The following RBM33 variants were observed in gnomAD, a reference collection of about 807,000 sequenced individuals.
RBM33 encodes the protein RNA binding motif protein 33.
In RBM33, 28 loss-of-function variants were observed where a neutral mutation model predicts 132.6. The observed-to-expected ratio is 0.21, with a 90% CI of 0.16 to 0.29. The LOEUF is 0.29. Among genes scored for constraint, RBM33 ranks in the 10% least tolerant of loss-of-function variants. The pLI is 1.00. For synonymous variants in RBM33, 634 were observed against 593.0 expected, an observed-to-expected ratio of 1.07 and a Z score of -1.01; for missense variants, 1,291 against 1,518.5, an observed-to-expected ratio of 0.85 and a Z score of 2.49.
At chr7:155,722,524 A>G (rs985726877) in intron 9 of RBM33, among the ~76,000 whole-genome samples, 43 of 152,234 alleles carry the variant, frequency 2.8e-4, no homozygotes, top group Non-Finnish European at 1.8e-4. Flanking sequence ...CTCTTTCTGC[A>G]AAGGCTATAC....
intron 1 of RBM33, among the ~76,000 whole-genome samples, chr7:155,647,304 A>G (rs952105885): frequency 6.6e-6 from 1 of 152,206 alleles, no homozygotes; most frequent in African/African-American, 2.4e-5. Context: ...CGAGATTGTC[A>G]GTTTGAAAAT....
intron 5 of RBM33, among the ~76,000 whole-genome samples, chr7:155,695,902 G>T (rs985872788): frequency 2.0e-5 from 3 of 152,084 alleles, no homozygotes; most frequent in African/African-American, 4.8e-5. Flanking sequence ...ATTAATTTTA[G>T]TTAAGATTAT....
intron 1 of RBM33, among the ~76,000 whole-genome samples, chr7:155,656,053 G>A (rs1455111229): frequency 3.3e-5 from 5 of 152,148 alleles, no homozygotes; most frequent in Non-Finnish European, 5.9e-5. Context: ...AATGAAGTGA[G>A]CCTGTCACTT....
At chr7:155,747,642 AAAAC>A (rs1241507664) in intron 14 of RBM33, among the ~76,000 whole-genome samples, 1 of 152,264 alleles carries the variant, frequency 6.6e-6, no homozygotes, top group African/African-American at 2.4e-5. Flanking sequence ...ATAAATAGGA[AAAAC>A]AAAGGAATTT....
At chr7:155,722,888 A>G (rs988199265) in intron 9 of RBM33, among the ~76,000 whole-genome samples, 6 of 152,242 alleles carry the variant, frequency 3.9e-5, no homozygotes, top group African/African-American at 1.4e-4. Flanking sequence ...TCGGGCAAAT[A>G]GTGATATTTC....
intron 14 of RBM33, among the ~76,000 whole-genome samples, chr7:155,754,778 T>C (rs1041970094): frequency 6.6e-6 from 1 of 152,244 alleles, no homozygotes; most frequent in African/African-American, 2.4e-5. Context: ...GTCAAATGCA[T>C]GTGCTAAGAG....
intron 6 of RBM33, among the ~76,000 whole-genome samples, chr7:155,702,436 T>G (rs1007660201): frequency 6.6e-6 from 1 of 152,222 alleles, no homozygotes; most frequent in African/African-American, 2.4e-5. Context: ...AGTTATGATA[T>G]GAAGTTGCCA....
Position 155,777,502 on chromosome 7 carries a change from T to C in RBM33, c.*2461T>C, listed in dbSNP as rs1292243845. The C allele has an allele frequency of 1.3e-5, 2 of 152,094 alleles. No homozygotes were observed. Among genetic ancestry groups the C allele is most frequent in the African/African-American group, 4.8e-5 (2 of 41,412 alleles). 9.4% of individuals were successfully genotyped at this position (152,094 alleles called of 1,614,324 possible). ...ACTACAGAAAAGGAAAGAAGCAGAA[T>C]GAGAAAGGAATGGTACTTAGGTGTT... On this transcript the variant is annotated 3_prime_UTR_variant, in exon 18 of 18. Coordinates refer to ENST00000401878, the MANE Select transcript of RBM33 (RefSeq NM_053043.3).
At chr7:155,721,749 T>G (rs1239160436) in intron 9 of RBM33, among the ~76,000 whole-genome samples, 1 of 152,054 alleles carries the variant, frequency 6.6e-6, no homozygotes, top group Non-Finnish European at 1.5e-5. Flanking sequence ...TTTAAAATTA[T>G]TCTTTAAAAT....
chr7:155,653,580 G>C (rs1798413770), intron 1 of RBM33, among the ~76,000 whole-genome samples: 1 of 66,422 alleles, frequency 1.5e-5, no homozygotes. Flanking sequence ...CCTCCCTCGA[G>C]GGGAGGGGCT....
At position 155,711,445 on chromosome 7, in the gene RBM33, G is replaced by A. The variant is rs994509688; in HGVS notation, c.1191G>A (p.Thr397=). The change falls in exon 8 of 18, where the codon ACG becomes ACA. Residue 397 remains threonine, a synonymous_variant. Transcript: ENST00000401878. The stretch of plus-strand genomic sequence containing the variant: ...CGCACTTCAAAGGGACGGTGGTCAC[G>A]CCTGTTCAAGGTCTGTGTTTCCTTT... ...INPHFKGTVV[T]PVQVPLLPVP... 8.2e-6 allele frequency: 12 copies of A among 1,456,584 alleles called. No homozygotes were observed. In the Admixed American group the frequency reaches 8.3e-5, roughly 10 times the overall value. 90.2% of individuals were successfully genotyped at this position (1,456,584 alleles called of 1,614,324 possible).
At chr7:155,665,132 A>G (rs1477095269) in intron 1 of RBM33, 43 bp from the exon 2 acceptor site, 10 of 1,544,332 alleles carry the variant, frequency 6.5e-6, no homozygotes, top group African/African-American at 5.4e-5. Context: ...CATTGTGTCT[A>G]TTTTAACTTA....
intron 5 of RBM33, among the ~76,000 whole-genome samples, chr7:155,696,542 T>C (rs1192379562): frequency 6.6e-6 from 1 of 152,198 alleles, no homozygotes; most frequent in Non-Finnish European, 1.5e-5. Context: ...CTGTACGTTT[T>C]TATATCAGAT....
At chr7:155,752,562 T>TA (rs34410584) in intron 14 of RBM33, among the ~76,000 whole-genome samples, 22,015 of 152,172 alleles carry the variant, frequency 0.14, 1,741 homozygotes, top group East Asian at 0.28. Flanking sequence ...GTTGAGGTTC[T>TA]AACCTAAGTG....
rs535855685 is a variant in RBM33, at chr7:155,714,175, C to T, written c.1201+2720C>T. ...ATGGTTGTGTGTCTCTGTCCAGCTG[C>T]GCTCATCTGCGCACACTAGGTGTGG... On this transcript the variant is annotated intron_variant, in intron 8 of 17. Coordinates refer to ENST00000401878, the MANE Select transcript of RBM33 (RefSeq NM_053043.3). Among the ~76,000 whole-genome samples, 15 of 152,202 alleles carry T rather than the reference C, an allele frequency of 9.9e-5. No individual in the cohort carries two copies. In the South Asian group the frequency reaches 1.5e-3, roughly 15 times the overall value.
At chr7:155,685,611 G>A (rs555549151) in intron 5 of RBM33, among the ~76,000 whole-genome samples, 58 of 152,310 alleles carry the variant, frequency 3.8e-4, no homozygotes, top group African/African-American at 1.4e-3. Flanking sequence ...CGTGGTCGAC[G>A]AGGCTTTATG....
intron 14 of RBM33, among the ~76,000 whole-genome samples, chr7:155,759,412 G>GTTTTTTTTT (rs1801955596): frequency 7.8e-6 from 1 of 128,654 alleles, no homozygotes. Flanking sequence ...CAATGTTTAT[G>GTTTTTTTTT]TTCTTTTTTT....
intron 1 of RBM33, among the ~76,000 whole-genome samples, chr7:155,652,030 A>C (rs1014015573): frequency 3.3e-5 from 5 of 152,238 alleles, no homozygotes; most frequent in African/African-American, 1.2e-4. Flanking sequence ...TGTAAGGCTC[A>C]TATGTTCACT....
chr7:155,733,266 A>G (rs1466616497), intron 9 of RBM33, among the ~76,000 whole-genome samples: 1 of 152,174 alleles, frequency 6.6e-6, no homozygotes, highest in Non-Finnish European at 1.5e-5. Flanking sequence ...AAGTCAGGGA[A>G]AAGTTGTAAC....
Sources: gnomAD v4.1 joint callset for allele counts (sites outside exome capture counted in the v4.1 genomes callset) on GRCh38, gnomAD v4.1.1 for gene constraint, MANE v1.5 for transcripts, NCBI Gene and HGNC (gene_info 2026-07-23, HGNC 2026-07-21) for gene names.